IPCEF1: variants seen among roughly 807,000 people sequenced by gnomAD.
IPCEF1 encodes interactor protein for cytohesin exchange factors 1.
Under a neutral mutation model 50.9 loss-of-function variants are expected in IPCEF1, and 31 were observed. That is an observed-to-expected ratio of 0.61 (90% CI 0.46 to 0.82). The LOEUF is 0.82. Ranked by LOEUF, IPCEF1 falls within the 40% of genes least tolerant of loss-of-function variation. The pLI, the probability that IPCEF1 is intolerant of heterozygous loss-of-function variation, is 0.00. For missense variants in IPCEF1, 458 were observed against 514.0 expected (o/e 0.89, Z 1.05); for synonymous variants, 181 against 192.0 (o/e 0.94, Z 0.47).
Position 154,159,000 on chromosome 6 carries a change from C to T in IPCEF1, c.*828G>A, listed in dbSNP as rs192061298. The T allele has an allele frequency of 3.9e-5, 6 of 152,202 alleles. No individual in the cohort carries two copies. In the East Asian group the frequency reaches 1.2e-3, roughly 29 times the overall value. The allele number at this position is 152,202 out of a possible 1,614,324, so 9.4% of individuals were successfully genotyped here. A position where few individuals can be genotyped will look rare whatever the true frequency, so the allele number is the denominator to read the frequency against. ...ATCCTGGGAAACCTGGATATAAATT[C>T]ACACTATGTATAGGGATCACAGCCA... On this transcript the variant is annotated 3_prime_UTR_variant, in exon 12 of 12. Coordinates refer to ENST00000367220, the MANE Select transcript of IPCEF1 (RefSeq NM_001130700.2).
At chr6:154,309,929 A>C (rs1238791647) in intron 1 of IPCEF1, among the ~76,000 whole-genome samples, 5 of 151,932 alleles carry the variant, frequency 3.3e-5, no homozygotes, top group Non-Finnish European at 7.4e-5. Context: ...ACGCCTGGCT[A>C]ATTTTTGTAT....
intron 10 of IPCEF1, among the ~76,000 whole-genome samples, chr6:154,180,414 A>ATATATATTTTTT (rs1241250621): frequency 4.0e-4 from 26 of 65,256 alleles, no homozygotes; most frequent in African/African-American, 6.2e-4. Context: ...ATATATATAT[A>ATATATATTTTTT]TTTTTTTTTT....
At chr6:154,351,292 G>C (rs1784115480) in intron 1 of IPCEF1, among the ~76,000 whole-genome samples, 1 of 152,170 alleles carries the variant, frequency 6.6e-6, no homozygotes, top group South Asian at 2.1e-4. Flanking sequence ...TGTGGTGACG[G>C]AACAGTCACA....
chr6:154,328,816 G>A (rs139047244), intron 1 of IPCEF1, among the ~76,000 whole-genome samples: 166 of 152,176 alleles, frequency 1.1e-3, no homozygotes, highest in African/African-American at 3.5e-3. Flanking sequence ...CAGGTTCCCG[G>A]TCTCACTTTA....
chr6:154,248,808 T>C (rs1781263332), intron 3 of IPCEF1, among the ~76,000 whole-genome samples: 2 of 152,188 alleles, frequency 1.3e-5, no homozygotes, highest in Non-Finnish European at 2.9e-5. Context: ...TTACAAGATT[T>C]ATTTGTGAAA....
chr6:154,345,434 T>C (rs1418852227), intron 1 of IPCEF1, among the ~76,000 whole-genome samples: 1 of 152,186 alleles, frequency 6.6e-6, no homozygotes, highest in Non-Finnish European at 1.5e-5. Flanking sequence ...TAAAATCACA[T>C]GGCGATCAGA....
chr6:154,276,090 A>C (rs368384209), intron 2 of IPCEF1, among the ~76,000 whole-genome samples: 27 of 152,250 alleles, frequency 1.8e-4, no homozygotes, highest in Middle Eastern at 3.4e-3. Flanking sequence ...AGGCTGAAGC[A>C]GGAGAATCGC....
At chr6:154,178,670 T>C (rs1800567296) in intron 10 of IPCEF1, among the ~76,000 whole-genome samples, 1 of 152,202 alleles carries the variant, frequency 6.6e-6, no homozygotes, top group Non-Finnish European at 1.5e-5. Flanking sequence ...TAAAATTTCA[T>C]ATATTATGCT....
chr6:154,223,532 G>T (rs1044723104), intron 5 of IPCEF1, among the ~76,000 whole-genome samples: 2 of 141,430 alleles, frequency 1.4e-5, no homozygotes. Flanking sequence ...CCGGCCTCCT[G>T]TCTCTGTGGA....
chr6:154,317,446 G>T (rs1258550343), intron 1 of IPCEF1, among the ~76,000 whole-genome samples: 1 of 149,620 alleles, frequency 6.7e-6, no homozygotes, highest in African/African-American at 2.5e-5. Context: ...CTACTCAGGA[G>T]GCTAAGGCAG....
intron 3 of IPCEF1, among the ~76,000 whole-genome samples, chr6:154,262,655 G>C (rs1781629707): frequency 6.6e-6 from 1 of 152,108 alleles, no homozygotes. Flanking sequence ...AGTGGAAAAG[G>C]TGGAGCAATA....
At chr6:154,280,959 G>A (rs1782191827) in intron 2 of IPCEF1, among the ~76,000 whole-genome samples, 1 of 151,970 alleles carries the variant, frequency 6.6e-6, no homozygotes, top group Non-Finnish European at 1.5e-5. Flanking sequence ...CAACACTTTG[G>A]GAGGCCAGAG....
At chr6:154,182,738 A>G (rs9371331) in intron 10 of IPCEF1, among the ~76,000 whole-genome samples, 28,534 of 152,174 alleles carry the variant, frequency 0.19, 3,003 homozygotes, top group Non-Finnish European at 0.23. Context: ...TACGAATCCA[A>G]TGCATTGTAG....
At chr6:154,211,284 C>T (rs942413143) in intron 9 of IPCEF1, among the ~76,000 whole-genome samples, 1 of 152,030 alleles carries the variant, frequency 6.6e-6, no homozygotes, top group African/African-American at 2.4e-5. Flanking sequence ...GGCGAGGTGG[C>T]GAGCACCCCA....
chr6:154,193,898 T>C (rs142492756), intron 10 of IPCEF1, among the ~76,000 whole-genome samples: 1 of 152,328 alleles, frequency 6.6e-6, no homozygotes, highest in African/African-American at 2.4e-5. Flanking sequence ...AAAAAACTGT[T>C]GATAAAACAC....
At chr6:154,304,412 A>T (rs1185581939) in intron 1 of IPCEF1, among the ~76,000 whole-genome samples, 1 of 152,138 alleles carries the variant, frequency 6.6e-6, no homozygotes, top group Non-Finnish European at 1.5e-5. Flanking sequence ...ATTTTGTGTG[A>T]TGCAATTTAA....
At chr6:154,266,560 C>CTATATATATATATATATATATA (rs34187257) in intron 2 of IPCEF1, among the ~76,000 whole-genome samples, 1 of 134,834 alleles carries the variant, frequency 7.4e-6, no homozygotes. Flanking sequence ...CTTAATATTA[C>CTATATATATATATATATATATA]TATATATATA....
At chr6:154,263,225 T>C (rs994317741) in intron 3 of IPCEF1, among the ~76,000 whole-genome samples, 1 of 34,860 alleles carries the variant, frequency 2.9e-5, no homozygotes, top group East Asian at 1.2e-3. Context: ...ATCCTGTAAA[T>C]GAGTCTTTTT....
chr6:154,247,666 T>C, intron 3 of IPCEF1, 178 bp from the exon 4 acceptor site: 2 of 522,930 alleles, frequency 3.8e-6, no homozygotes, highest in Non-Finnish European at 6.9e-6. Context: ...CTAATTAGAA[T>C]CAATATACAT....
Sources: allele counts gnomAD v4.1 joint callset (sites outside exome capture counted in the v4.1 genomes callset), GRCh38; gene constraint gnomAD v4.1.1; transcripts MANE v1.5; gene names NCBI Gene and HGNC (gene_info 2026-07-23, HGNC 2026-07-21).